Variants in RGS7 observed in about 807,000 individuals in gnomAD.
RGS7 encodes regulator of G protein signaling 7, also known as regulator of G-protein signaling 7.
Under a neutral mutation model 81.1 loss-of-function variants are expected in RGS7, and 27 were observed. The ratio of observed to expected loss-of-function variants is 0.33; its 90% CI spans 0.25 to 0.46. The LOEUF is 0.46. Ranked by LOEUF, RGS7 falls within the 20% of genes least tolerant of loss-of-function variation. The pLI is 1.00. For missense variants in RGS7, 396 were observed against 607.4 expected, an observed-to-expected ratio of 0.65 and a Z score of 3.66; for synonymous variants, 208 against 207.7, an observed-to-expected ratio of 1.00 and a Z score of -0.01.
chr1:240,880,329 T>C (rs1224311093), intron 6 of RGS7, among the ~76,000 whole-genome samples: 1 of 152,214 alleles, frequency 6.6e-6, no homozygotes, highest in African/African-American at 2.4e-5. Flanking sequence ...GCGTGGGCCA[T>C]CGCTCCTGGC....
At chr1:240,993,961 T>G (rs1478158281) in intron 3 of RGS7, among the ~76,000 whole-genome samples, 1 of 152,208 alleles carries the variant, frequency 6.6e-6, no homozygotes, top group South Asian at 2.1e-4. Flanking sequence ...TGCTTTTCCA[T>G]GTTTGTCAAA....
intron 2 of RGS7, among the ~76,000 whole-genome samples, chr1:241,292,643 G>C (rs1338290006): frequency 1.3e-5 from 2 of 152,128 alleles, no homozygotes; most frequent in African/African-American, 4.8e-5. Context: ...CCACCTCCTA[G>C]GAAAACACTG....
At chr1:240,848,806 C>G (rs1287946581) in intron 9 of RGS7, among the ~76,000 whole-genome samples, 2 of 151,934 alleles carry the variant, frequency 1.3e-5, no homozygotes, top group Non-Finnish European at 1.5e-5. Context: ...CATTTGAATG[C>G]CAAAAAGGGT....
chr1:240,845,757 T>C (rs1180282767), intron 9 of RGS7, among the ~76,000 whole-genome samples: 1 of 152,216 alleles, frequency 6.6e-6, no homozygotes, highest in African/African-American at 2.4e-5. Context: ...CCACATGCAT[T>C]ATTGTTCTCT....
chr1:241,205,524 G>A (rs530315731), intron 2 of RGS7, among the ~76,000 whole-genome samples: 1 of 150,136 alleles, frequency 6.7e-6, no homozygotes, highest in South Asian at 2.1e-4. Context: ...GCACTGACAC[G>A]ACCTTGGCTC....
At chr1:241,209,998 CA>C (rs1199914276) in intron 2 of RGS7, among the ~76,000 whole-genome samples, 2 of 151,914 alleles carry the variant, frequency 1.3e-5, no homozygotes, top group Non-Finnish European at 2.9e-5. Context: ...ATGTCATTGT[CA>C]AAAAGTATTA....
rs1487074463 is a variant in RGS7, at chr1:240,807,438, T to C, written c.1083-1112A>G. ...CAGCAAACTTCAGGCTACAGAGTCT[T>C]AAGAGAGGCACAGGTGATCAGCAGT... On this transcript the variant is annotated intron_variant, in intron 14 of 18. Coordinates refer to ENST00000440928, the MANE Select transcript of RGS7 (RefSeq NM_001364886.1). 7.2e-5 allele frequency among the ~76,000 whole-genome samples: 11 copies of C among 152,150 alleles called. No homozygotes were observed. The East Asian group carries it at 1.4e-3, about 19-fold the overall frequency.
intron 4 of RGS7, among the ~76,000 whole-genome samples, chr1:240,951,341 C>G (rs557217865): frequency 6.6e-6 from 1 of 152,136 alleles, no homozygotes; most frequent in Non-Finnish European, 1.5e-5. Flanking sequence ...AATTATCAGA[C>G]AGGAAGTTTA....
chr1:241,021,360 T>C (rs2059528295), intron 3 of RGS7, among the ~76,000 whole-genome samples: 1 of 152,166 alleles, frequency 6.6e-6, no homozygotes, highest in Non-Finnish European at 1.5e-5. Context: ...CAAAGGTTGT[T>C]TCAAAAATCC....
intron 9 of RGS7, among the ~76,000 whole-genome samples, chr1:240,848,839 G>T (rs1357995286): frequency 6.6e-6 from 1 of 152,090 alleles, no homozygotes; most frequent in Non-Finnish European, 1.5e-5. Context: ...CTAGACAATT[G>T]ATTCCAAAGA....
At chr1:240,877,746 T>C (rs975357585) in intron 6 of RGS7, among the ~76,000 whole-genome samples, 2 of 152,246 alleles carry the variant, frequency 1.3e-5, no homozygotes, top group Non-Finnish European at 2.9e-5. Flanking sequence ...TCTTTATGTA[T>C]GCATCTTTAT....
chr1:241,308,839 T>G (rs1226238262), intron 2 of RGS7, among the ~76,000 whole-genome samples: 3 of 152,020 alleles, frequency 2.0e-5, no homozygotes, highest in Non-Finnish European at 4.4e-5. Flanking sequence ...TAATGCACAG[T>G]TTTTCCCCCC....
In RGS7 at chr1:241,346,243, T is replaced by C. The variant is rs369154238; in HGVS notation, c.78+9456A>G. ...TAAATAATTTATATCAGTCAGTTCT[T>C]CCTCTTTCATGGTATTAATCATCCT... On this transcript the variant is annotated intron_variant, in intron 2 of 18. Coordinates refer to ENST00000440928, the MANE Select transcript of RGS7 (RefSeq NM_001364886.1). 2.0e-5 allele frequency among the ~76,000 whole-genome samples: 3 copies of C among 152,274 alleles called. No individual in the cohort carries two copies. In the East Asian group the frequency reaches 5.8e-4, roughly 29 times the overall value.
At chr1:240,894,874 A>G (rs12751419) in intron 6 of RGS7, among the ~76,000 whole-genome samples, 19,412 of 152,148 alleles carry the variant, frequency 0.13, 1,350 homozygotes, top group Middle Eastern at 0.18. Context: ...AGGAAACAAT[A>G]TTCTATAGCA....
chr1:240,973,204 T>C (rs986073164), intron 4 of RGS7, among the ~76,000 whole-genome samples: 1 of 152,146 alleles, frequency 6.6e-6, no homozygotes, highest in Non-Finnish European at 1.5e-5. Flanking sequence ...CTTCATGATA[T>C]TGATATGATA....
intron 10 of RGS7, among the ~76,000 whole-genome samples, chr1:240,820,409 T>C (rs761105209): frequency 6.6e-6 from 1 of 152,154 alleles, no homozygotes; most frequent in South Asian, 2.1e-4. Flanking sequence ...AATCTGTTCA[T>C]GTGTGATTTC....
At position 240,960,160 on chromosome 1, in the gene RGS7, C is replaced by CA. The variant is rs112575284; in HGVS notation, c.226+22918dup. Reference sequence around the variant, plus strand: ...TGAGTGAGACTCCATCCCCCAACACCAAAAAAAAAAAAGTCTAAAATATTG... The same window carrying CA: ...TGAGTGAGACTCCATCCCCCAACACCAAAAAAAAAAAAAGTCTAAAATATTG... On this transcript the variant is annotated intron_variant, in intron 4 of 18. Transcript: ENST00000440928. 5.1e-3 allele frequency among the ~76,000 whole-genome samples: 671 copies of CA among 131,848 alleles called. 8 individuals are homozygous for CA. The highest frequency in any genetic ancestry group is 0.015 in the African/African-American group (527 of 35,814). The allele number at this position is 131,848 out of a possible 152,430, so 86.5% of individuals were successfully genotyped here. A position where few individuals can be genotyped will look rare whatever the true frequency, so the allele number is the denominator to read the frequency against.
At chr1:240,928,300 G>C (rs181439892) in intron 6 of RGS7, among the ~76,000 whole-genome samples, 44 of 152,260 alleles carry the variant, frequency 2.9e-4, no homozygotes, top group Non-Finnish European at 2.4e-4. Context: ...GGATTTTTCT[G>C]CTCTGTTCTT....
intron 3 of RGS7, among the ~76,000 whole-genome samples, chr1:241,021,518 C>G (rs900865189): frequency 1.3e-5 from 2 of 152,160 alleles, no homozygotes; most frequent in Non-Finnish European, 2.9e-5. Flanking sequence ...GCACAGCTTA[C>G]TGGAAACACG....
Sources: allele counts gnomAD v4.1 joint callset (sites outside exome capture counted in the v4.1 genomes callset), GRCh38; gene constraint gnomAD v4.1.1; transcripts MANE v1.5; gene names NCBI Gene and HGNC (gene_info 2026-07-23, HGNC 2026-07-21).